The following ACTR3B variants were observed in gnomAD, a reference collection of about 807,000 sequenced individuals.
ACTR3B encodes actin-related protein 3B.
A neutral mutation model predicts 59.0 loss-of-function variants in ACTR3B; 8 were observed. The ratio of observed to expected loss-of-function variants is 0.14; its 90% confidence interval spans 0.08 to 0.24. The LOEUF is 0.24. Ranked by LOEUF, ACTR3B falls within the 10% of genes least tolerant of loss-of-function variation. ACTR3B has a pLI of 1.00. For synonymous variants in ACTR3B, 148 were observed against 197.9 expected, an observed-to-expected ratio of 0.75 and a Z score of 2.12; for missense variants, 245 against 552.3, an observed-to-expected ratio of 0.44 and a Z score of 5.58.
intron 9 of ACTR3B, among the ~76,000 whole-genome samples, chr7:152,845,374 G>A (rs2689542): frequency 0.027 from 4,127 of 150,372 alleles, 76 homozygotes; most frequent in Middle Eastern, 0.1. Flanking sequence ...AGGCCATCCC[G>A]AATCTTGCCA....
chr7:152,800,109 T>G (rs2098230194), intron 2 of ACTR3B, among the ~76,000 whole-genome samples: 1 of 152,248 alleles, frequency 6.6e-6, no homozygotes, highest in South Asian at 2.1e-4. Context: ...CTATGTGATG[T>G]AGAGTCTTAT....
chr7:152,763,899 A>G (rs1416550282), intron 1 of ACTR3B, among the ~76,000 whole-genome samples: 1 of 152,218 alleles, frequency 6.6e-6, no homozygotes, highest in East Asian at 1.9e-4. Flanking sequence ...AAAGAATGAT[A>G]ATCCATTATG....
chr7:152,781,476 A>G (rs2098153845), intron 1 of ACTR3B, among the ~76,000 whole-genome samples: 1 of 152,118 alleles, frequency 6.6e-6, no homozygotes, highest in African/African-American at 2.4e-5. Context: ...ACCATGAGAA[A>G]GGACCCTGTT....
At chr7:152,820,160 A>G in intron 6 of ACTR3B, 139 bp from the exon 7 acceptor site, 1 of 1,462,972 alleles carries the variant, frequency 6.8e-7, no homozygotes, top group East Asian at 2.4e-5. Context: ...CTGAGCTTGC[A>G]GAGGGTGGGG....
intron 2 of ACTR3B, among the ~76,000 whole-genome samples, chr7:152,790,210 C>T (rs971186618): frequency 1.3e-5 from 2 of 152,244 alleles, no homozygotes; most frequent in Admixed American, 6.5e-5. Context: ...CTGTCCTGGT[C>T]TCGAACTTCT....
chr7:152,789,043 A>ACAACAG lies in ACTR3B; in HGVS notation c.100+5806_100+5807insGCAACA, dbSNP rs2098184873. Among the ~76,000 whole-genome samples, 4 of 94,238 alleles carry ACAACAG rather than the reference A, an allele frequency of 4.2e-5. No individual in the cohort carries two copies. In the South Asian group the frequency reaches 1.6e-3, roughly 38 times the overall value. 61.8% of individuals were successfully genotyped at this position (94,238 alleles called of 152,430 possible). ...TCTCAAAACAACAACAACAACAACA[A>ACAACAG]CAACAACAAACAGCAACAACAAACA... On this transcript the variant is annotated intron_variant, in intron 2 of 11. Coordinates refer to ENST00000256001, the MANE Select transcript of ACTR3B (RefSeq NM_020445.6).
At chr7:152,832,947 G>GT (rs1240530278) in intron 9 of ACTR3B, among the ~76,000 whole-genome samples, 1 of 152,160 alleles carries the variant, frequency 6.6e-6, no homozygotes, top group Non-Finnish European at 1.5e-5. Context: ...AAATCACTGG[G>GT]TGCTGTGCCC....
At chr7:152,769,992 A>G (rs2098120296) in intron 1 of ACTR3B, among the ~76,000 whole-genome samples, 1 of 152,168 alleles carries the variant, frequency 6.6e-6, no homozygotes, top group African/African-American at 2.4e-5. Context: ...GGACAGAGCC[A>G]TAAATTACTA....
intron 1 of ACTR3B, among the ~76,000 whole-genome samples, chr7:152,766,177 A>G (rs1458449122): frequency 2.0e-5 from 3 of 152,158 alleles, no homozygotes; most frequent in African/African-American, 7.2e-5. Context: ...CAGCCAAGGG[A>G]AAAGATGTGG....
chr7:152,769,089 G>A (rs2098118095), intron 1 of ACTR3B, among the ~76,000 whole-genome samples: 1 of 152,086 alleles, frequency 6.6e-6, no homozygotes, highest in Non-Finnish European at 1.5e-5. Flanking sequence ...CTGACCTCAG[G>A]TGATCCACCC....
chr7:152,836,160 G>C (rs1441694972), intron 9 of ACTR3B, among the ~76,000 whole-genome samples: 2 of 151,714 alleles, frequency 1.3e-5, no homozygotes, highest in African/African-American at 4.8e-5. Flanking sequence ...AGGGGCCTTT[G>C]TCTGCTGTCT....
intron 1 of ACTR3B, among the ~76,000 whole-genome samples, chr7:152,770,764 A>G (rs1394701663): frequency 7.2e-6 from 1 of 138,894 alleles, no homozygotes; most frequent in Non-Finnish European, 1.6e-5. Flanking sequence ...CATTGTATTC[A>G]GTGTCATTGT....
At chr7:152,759,976 G>A in intron 1 of ACTR3B, 50 bp downstream of exon 1, 2 of 1,298,160 alleles carry the variant, frequency 1.5e-6, no homozygotes, top group Non-Finnish European at 2.0e-6. Flanking sequence ...CCCGCTCCCG[G>A]CCCCTGGCGT....
chr7:152,791,567 A>G (rs538998647), intron 2 of ACTR3B, among the ~76,000 whole-genome samples: 11 of 152,264 alleles, frequency 7.2e-5, no homozygotes, highest in Non-Finnish European at 1.5e-4. Flanking sequence ...TAAAAAATAA[A>G]AACAAAAACA....
intron 2 of ACTR3B, among the ~76,000 whole-genome samples, chr7:152,789,023 AAAC>A (rs71182042): frequency 0.074 from 10,813 of 146,018 alleles, 87 homozygotes; most frequent in Non-Finnish European, 0.091. Flanking sequence ...CGCTGTCTCA[AAAC>A]AACAACAACA....
intron 1 of ACTR3B, among the ~76,000 whole-genome samples, chr7:152,762,163 CCCGAGA>C (rs1227874972): frequency 2.0e-5 from 3 of 151,930 alleles, no homozygotes; most frequent in Non-Finnish European, 2.9e-5. Context: ...TCAGGTAAAC[CCCGAGA>C]CTACCTGAGT....
intron 2 of ACTR3B, among the ~76,000 whole-genome samples, chr7:152,786,771 C>T (rs1308109317): frequency 2.0e-5 from 3 of 151,898 alleles, no homozygotes; most frequent in Non-Finnish European, 4.4e-5. Flanking sequence ...CATTTTTATC[C>T]ATATATTACA....
intron 9 of ACTR3B, among the ~76,000 whole-genome samples, chr7:152,843,048 A>G (rs111648506): frequency 1.3e-5 from 2 of 152,176 alleles, no homozygotes; most frequent in African/African-American, 4.8e-5. Context: ...TTTGTTTATT[A>G]AGTGACAACT....
intron 9 of ACTR3B, among the ~76,000 whole-genome samples, chr7:152,849,811 A>T (rs1798649754): frequency 6.6e-6 from 1 of 152,268 alleles, no homozygotes. Flanking sequence ...TCAGAGGTGA[A>T]ATTTCTCTAT....
Sources: gnomAD v4.1 joint callset for allele counts (sites outside exome capture counted in the v4.1 genomes callset) on GRCh38, gnomAD v4.1.1 for gene constraint, MANE v1.5 for transcripts, NCBI Gene and HGNC (gene_info 2026-07-23, HGNC 2026-07-21) for gene names.